The following THEMIS variants were observed in gnomAD, a reference collection of about 807,000 sequenced individuals.
THEMIS encodes protein THEMIS.
Under a neutral mutation model 52.6 loss-of-function variants are expected in THEMIS, and 37 were observed. The observed-to-expected ratio is 0.70, with a 90% confidence interval of 0.54 to 0.93. The LOEUF is 0.93. Among genes scored for constraint, THEMIS ranks in the 40% least tolerant of loss-of-function variants. The pLI is 0.00. For synonymous variants in THEMIS, 292 were observed against 272.7 expected (o/e 1.07, Z -0.70); for missense variants, 808 against 763.1 (o/e 1.06, Z -0.69).
At chr6:127,735,626 G>A (rs80213339) in intron 4 of THEMIS, among the ~76,000 whole-genome samples, 1,767 of 152,248 alleles carry the variant, frequency 0.012, 53 homozygotes, top group Non-Finnish European at 0.012. Context: ...CTGACACTGC[G>A]ATCAAGAAGC....
intron 1 of THEMIS, among the ~76,000 whole-genome samples, chr6:127,870,260 G>A (rs373150860): frequency 5.9e-4 from 90 of 152,190 alleles, no homozygotes; most frequent in African/African-American, 2.0e-3. Flanking sequence ...GGCAATGCTC[G>A]TACCCCTCCC....
chr6:127,913,018 T>C (rs1267849080), intron 1 of THEMIS, among the ~76,000 whole-genome samples: 2 of 152,176 alleles, frequency 1.3e-5, no homozygotes, highest in Non-Finnish European at 2.9e-5. Flanking sequence ...GAGAAAAGAT[T>C]GTTATGAATT....
At chr6:127,884,422 C>T (rs1295342213) in intron 1 of THEMIS, among the ~76,000 whole-genome samples, 1 of 152,110 alleles carries the variant, frequency 6.6e-6, no homozygotes, top group Non-Finnish European at 1.5e-5. Flanking sequence ...GCCTCAAACT[C>T]ATTGGAATAT....
intron 1 of THEMIS, among the ~76,000 whole-genome samples, chr6:127,891,688 A>G (rs957374417): frequency 1.3e-5 from 2 of 152,110 alleles, no homozygotes; most frequent in Non-Finnish European, 2.9e-5. Context: ...CTAATATATC[A>G]TTCCACTTTT....
intron 4 of THEMIS, among the ~76,000 whole-genome samples, chr6:127,726,849 G>T (rs774103926): frequency 3.2e-4 from 48 of 152,108 alleles, no homozygotes; most frequent in Non-Finnish European, 5.9e-4. Flanking sequence ...CTACTCTAAC[G>T]TTCTGTGAAT....
At chr6:127,877,819 G>A (rs1432828535) in intron 1 of THEMIS, among the ~76,000 whole-genome samples, 5 of 152,064 alleles carry the variant, frequency 3.3e-5, no homozygotes, top group Middle Eastern at 3.2e-3. Flanking sequence ...AGAATTGCTC[G>A]ATACAGGTGT....
chr6:127,898,888 G>A (rs1781050635), intron 1 of THEMIS, among the ~76,000 whole-genome samples: 2 of 151,842 alleles, frequency 1.3e-5, no homozygotes. Flanking sequence ...AATATCACAT[G>A]TTCTCATTAA....
intron 2 of THEMIS, among the ~76,000 whole-genome samples, chr6:127,841,440 G>C (rs1014424170): frequency 1.3e-5 from 2 of 151,960 alleles, no homozygotes; most frequent in African/African-American, 2.4e-5. Flanking sequence ...TAAGAAAGAC[G>C]GATGGTAAGG....
At chr6:127,732,707 G>C (rs1774853973) in intron 4 of THEMIS, among the ~76,000 whole-genome samples, 1 of 152,052 alleles carries the variant, frequency 6.6e-6, no homozygotes, top group Non-Finnish European at 1.5e-5. Context: ...TCATTCCATT[G>C]TATGGATAAA....
intron 4 of THEMIS, among the ~76,000 whole-genome samples, chr6:127,741,680 C>T (rs1051422005): frequency 4.6e-5 from 7 of 152,170 alleles, no homozygotes; most frequent in Non-Finnish European, 1.0e-4. Context: ...TCCTTTGCTG[C>T]ATCAGCTTAT....
At chr6:127,897,241 GA>G (rs1286804686) in intron 1 of THEMIS, among the ~76,000 whole-genome samples, 28 of 151,188 alleles carry the variant, frequency 1.9e-4, no homozygotes, top group African/African-American at 6.5e-4. Flanking sequence ...TTAGGGTAAA[GA>G]AAAAAATTGT....
At chr6:127,895,088 A>G (rs1383466945) in intron 1 of THEMIS, among the ~76,000 whole-genome samples, 1 of 150,918 alleles carries the variant, frequency 6.6e-6, no homozygotes, top group Non-Finnish European at 1.5e-5. Context: ...TAAACACACT[A>G]AAGAAAGTAA....
intron 1 of THEMIS, among the ~76,000 whole-genome samples, chr6:127,887,864 C>G (rs948628474): frequency 4.6e-5 from 7 of 151,994 alleles, no homozygotes; most frequent in African/African-American, 1.7e-4. Flanking sequence ...CTTGATAAAA[C>G]TGTAAGAAAA....
intron 4 of THEMIS, among the ~76,000 whole-genome samples, chr6:127,723,516 C>A (rs1381573850): frequency 6.6e-6 from 1 of 151,804 alleles, no homozygotes; most frequent in Non-Finnish European, 1.5e-5. Context: ...CTTGATCTAC[C>A]ACCTGTATGT....
At chr6:127,855,277 A>T in intron 1 of THEMIS, 89 bp from the exon 2 acceptor site, 1 of 1,129,554 alleles carries the variant, frequency 8.9e-7, no homozygotes, top group African/African-American at 1.6e-5. Context: ...AAGTGTTTTA[A>T]TTCAGTTCCT....
intron 1 of THEMIS, among the ~76,000 whole-genome samples, chr6:127,872,762 CA>C (rs1780196878): frequency 6.6e-6 from 1 of 151,972 alleles, no homozygotes; most frequent in African/African-American, 2.4e-5. Context: ...CACTCTTATG[CA>C]AATAGTCCTA....
chr6:127,791,130 T>C (rs1043266166), intron 4 of THEMIS, among the ~76,000 whole-genome samples: 6 of 152,226 alleles, frequency 3.9e-5, no homozygotes, highest in African/African-American at 1.4e-4. Flanking sequence ...GCCCCACCAT[T>C]CGGCAGGTCC....
chr6:127,703,559 G>A (rs1348280079), downstream of THEMIS, among the ~76,000 whole-genome samples: 3 of 152,176 alleles, frequency 2.0e-5, no homozygotes, highest in African/African-American at 4.8e-5. Context: ...TATGTTGAAT[G>A]AGGGTCACAT....
the THEMIS span, among the ~76,000 whole-genome samples, chr6:127,701,036 G>A: frequency 6.6e-6 from 1 of 151,980 alleles, no homozygotes; most frequent in Non-Finnish European, 1.5e-5. Flanking sequence ...GCAGTGAAGT[G>A]CGTAATTCTA....
Sources: allele counts gnomAD v4.1 joint callset (sites outside exome capture counted in the v4.1 genomes callset), GRCh38; gene constraint gnomAD v4.1.1; transcripts MANE v1.5; gene names NCBI Gene and HGNC (gene_info 2026-07-23, HGNC 2026-07-21).